The following MINAR1 variants were observed in gnomAD, a reference collection of about 807,000 sequenced individuals.
The protein encoded by MINAR1 is membrane integral NOTCH2 associated receptor 1.
Under a neutral mutation model 65.1 loss-of-function variants are expected in MINAR1, and 40 were observed. The observed-to-expected ratio is 0.61, with a 90% CI of 0.48 to 0.80. The LOEUF is 0.80. Among genes scored for constraint, MINAR1 ranks in the 30% least tolerant of loss-of-function variants. MINAR1 has a pLI of 0.00. For synonymous variants in MINAR1, 482 were observed against 449.1 expected, an observed-to-expected ratio of 1.07 and a Z score of -0.93; for missense variants, 1,128 against 1,148.0, an observed-to-expected ratio of 0.98 and a Z score of 0.25.
chr15:79,452,113 TTG>T (rs1392766650), intron 1 of MINAR1, among the ~76,000 whole-genome samples: 1 of 152,066 alleles, frequency 6.6e-6, no homozygotes, highest in Non-Finnish European at 1.5e-5. Context: ...CTTGTGTGAA[TTG>T]TGTGTACACA....
At chr15:79,450,535 TAAA>T (rs201886091) in intron 1 of MINAR1, among the ~76,000 whole-genome samples, 2 of 142,904 alleles carry the variant, frequency 1.4e-5, no homozygotes, top group South Asian at 2.2e-4. Flanking sequence ...GTCTTCCTAT[TAAA>T]AAAAAAAAAA....
intron 1 of MINAR1, among the ~76,000 whole-genome samples, chr15:79,449,833 A>G (rs920810341): frequency 6.6e-6 from 1 of 152,190 alleles, no homozygotes; most frequent in Non-Finnish European, 1.5e-5. Context: ...CCAGACATAC[A>G]GACTCTTCTC....
upstream of MINAR1, among the ~76,000 whole-genome samples, chr15:79,429,711 G>A (rs1416245469): frequency 1.3e-5 from 2 of 152,222 alleles, no homozygotes; most frequent in African/African-American, 4.8e-5. Flanking sequence ...CCTGCAAACT[G>A]AATGCCTTGG....
chr15:79,432,904 T>G (rs1472451336), intron 1 of MINAR1, among the ~76,000 whole-genome samples: 1 of 152,202 alleles, frequency 6.6e-6, no homozygotes, highest in Non-Finnish European at 1.5e-5. Context: ...GGGTTAAATA[T>G]GTGAGCTATC....
At chr15:79,416,673 G>T in the MINAR1 span, 22 of 152,264 alleles carry the variant, frequency 1.4e-4, no homozygotes, top group African/African-American at 5.3e-4. Context: ...ATAGCAAACG[G>T]GAAAAGTGAG....
chr15:79,458,500 G>A (rs1895526001), intron 2 of MINAR1, 55 bp downstream of exon 2: 1 of 1,563,316 alleles, frequency 6.4e-7, no homozygotes, highest in East Asian at 2.2e-5. Context: ...TAGCCCTGGT[G>A]TATTTCAAAG....
At chr15:79,433,010 G>T (rs1442384888) in intron 1 of MINAR1, among the ~76,000 whole-genome samples, 1 of 152,236 alleles carries the variant, frequency 6.6e-6, no homozygotes, top group Non-Finnish European at 1.5e-5. Flanking sequence ...CTTAAATTGA[G>T]ATTTCCAGTC....
chr15:79,414,529 G>T, the MINAR1 span: 1 of 152,214 alleles, frequency 6.6e-6, no homozygotes, highest in Non-Finnish European at 1.5e-5. Flanking sequence ...AGGCAAACCG[G>T]GGGAGAAGCT....
Position 79,470,505 on chromosome 15 carries a change from G to A in MINAR1, c.*2121G>A, listed in dbSNP as rs1180143267. 1.4e-5 allele frequency: 2 copies of A among 148,058 alleles called. No individual in the cohort carries two copies. The highest frequency in any genetic ancestry group is 3.8e-4 in the East Asian group (2 of 5,198). 9.2% of individuals were successfully genotyped at this position (148,058 alleles called of 1,614,324 possible). On this transcript the variant is annotated 3_prime_UTR_variant, in exon 4 of 4. Coordinates refer to ENST00000305428, the MANE Select transcript of MINAR1 (RefSeq NM_015206.3). ...TCCACCCCAAATCTTCCATTTAACA[G>A]GTAGGACCATCGAGGCTGGACCAAA...
chr15:79,438,692 TAGTG>T (rs1209187346), intron 1 of MINAR1, among the ~76,000 whole-genome samples: 2 of 8,558 alleles, frequency 2.3e-4, no homozygotes, highest in African/African-American at 7.2e-4. Flanking sequence ...ATGGGGTGGG[TAGTG>T]AGTGGGTTGT....
At chr15:79,437,551 G>T (rs1567048936) in intron 1 of MINAR1, among the ~76,000 whole-genome samples, 1 of 150,920 alleles carries the variant, frequency 6.6e-6, no homozygotes, top group Admixed American at 6.6e-5. Context: ...TGTGGGTGGG[G>T]TGGTTAGTGA....
At position 79,471,293 on chromosome 15, in the gene MINAR1, ATTAT is replaced by A. The variant is rs1382020653; in HGVS notation, c.*2912_*2915del. ...TCCTGCATTTTAAAAGTAATAAAATATTATTTGAGATTATTTTGAAATTAAATAT... is the reference window on the plus strand; with the variant it reads ...TCCTGCATTTTAAAAGTAATAAAATATTGAGATTATTTTGAAATTAAATAT... On this transcript the variant is annotated 3_prime_UTR_variant, in exon 4 of 4. Coordinates refer to ENST00000305428, the MANE Select transcript of MINAR1 (RefSeq NM_015206.3). 6.6e-6 allele frequency: 1 copy of A among 152,622 alleles called. No homozygotes were observed. The highest frequency in any genetic ancestry group is 1.5e-5 in the Non-Finnish European group (1 of 68,040). The allele number at this position is 152,622 out of a possible 1,614,324, so 9.5% of individuals were successfully genotyped here.
chr15:79,448,903 A>G (rs1895100644), intron 1 of MINAR1, among the ~76,000 whole-genome samples: 1 of 152,172 alleles, frequency 6.6e-6, no homozygotes, highest in African/African-American at 2.4e-5. Flanking sequence ...CTCTGCTTTG[A>G]TTAACATTAG....
At chr15:79,460,069 G>T (rs1895592779) in intron 2 of MINAR1, among the ~76,000 whole-genome samples, 1 of 152,212 alleles carries the variant, frequency 6.6e-6, no homozygotes, top group Admixed American at 6.5e-5. Flanking sequence ...GCTTCACAAA[G>T]CCAGCAGGAA....
At position 79,457,196 on chromosome 15, in the gene MINAR1, A is replaced by T; in HGVS notation, c.1049A>T (p.Glu350Val). Residue 350 changes from glutamate to valine, a missense_variant, in exon 2 of 4, where the codon GAA (glutamate) becomes GTA (valine). Transcript: ENST00000305428. ...CCCACTCCCGTGATGGGAACCCAAG[A>T]AGCCAGGCGCTGTCTAGGGAAGCCC... ...FGPTPVMGTQEARRCLGKPNK... is the reference protein window; with the variant it reads ...FGPTPVMGTQVARRCLGKPNK... The T allele has an allele frequency of 6.2e-7, 1 of 1,614,158 alleles. No homozygotes were observed. The highest frequency in any genetic ancestry group is 1.1e-5 in the South Asian group (1 of 91,072).
chr15:79,452,078 TTG>T (rs1249409434), intron 1 of MINAR1, among the ~76,000 whole-genome samples: 3 of 151,622 alleles, frequency 2.0e-5, no homozygotes, highest in Admixed American at 6.6e-5. Flanking sequence ...GTGAATGTGT[TTG>T]TGGATGTGTG....
At chr15:79,416,870 T>C in the MINAR1 span, 2 of 152,412 alleles carry the variant, frequency 1.3e-5, no homozygotes, top group East Asian at 3.9e-4. Context: ...TTAGTGTCCA[T>C]TGTGACCTCT....
At chr15:79,424,895 A>G in the MINAR1 span, 1 of 152,314 alleles carries the variant, frequency 6.6e-6, no homozygotes. Flanking sequence ...AAATAGAAGG[A>G]AGGCCTAGAT....
At chr15:79,456,016 G>T in intron 1 of MINAR1, 82 bp from the exon 2 acceptor site, 3 of 755,276 alleles carry the variant, frequency 4.0e-6, no homozygotes, top group South Asian at 2.0e-5. Context: ...TCTTTATATG[G>T]TTTATAAGGA....
Sources: gnomAD v4.1 joint callset for allele counts (sites outside exome capture counted in the v4.1 genomes callset) on GRCh38, gnomAD v4.1.1 for gene constraint, MANE v1.5 for transcripts, NCBI Gene and HGNC (gene_info 2026-07-23, HGNC 2026-07-21) for gene names.